Variants in RGL4 observed in about 807,000 individuals in gnomAD.
RGL4 encodes the protein ral guanine nucleotide dissociation stimulator like 4.
Under a neutral mutation model 49.6 loss-of-function variants are expected in RGL4, and 41 were observed. The observed-to-expected ratio is 0.83, with a 90% CI of 0.64 to 1.07. RGL4 has a LOEUF of 1.07. Ranked by LOEUF, RGL4 falls within the 50% of genes least tolerant of loss-of-function variation. The pLI, the probability that RGL4 is intolerant of heterozygous loss-of-function variation, is 0.00. For synonymous variants in RGL4, 255 were observed against 238.0 expected, an observed-to-expected ratio of 1.07 and a Z score of -0.66; for missense variants, 610 against 591.9, an observed-to-expected ratio of 1.03 and a Z score of -0.32.
chr22:23,692,266 CA>C, intron 1 of RGL4, 57 bp downstream of exon 1: 2 of 1,607,532 alleles, frequency 1.2e-6, no homozygotes, highest in Non-Finnish European at 1.7e-6. Context: ...CAGAACCACG[CA>C]GGGGTGCCCT....
Position 23,692,360 on chromosome 22 carries a change from T to C in RGL4, c.205T>C (p.Trp69Arg). The change falls in exon 2 of 11, where the codon TGG (tryptophan) becomes CGG (arginine). Residue 69 changes from tryptophan to arginine, a missense_variant. Transcript: ENST00000290691. The stretch of plus-strand genomic sequence containing the variant: ...CACCATCACCTCCATTTTGTTCAAC[T>C]GGCCCCCCGAAAACACTTCAGTTTA... ...LRTITSILFN[W>R]PPENTSVYYQ... 1 of 1,614,184 alleles carries C rather than the reference T, an allele frequency of 6.2e-7. No homozygotes were observed. Among genetic ancestry groups the C allele is most frequent in the African/African-American group, 1.3e-5 (1 of 75,054 alleles).
Position 23,697,210 on chromosome 22 carries a change from C to T in RGL4, c.1201C>T (p.Gln401Ter), listed in dbSNP as rs764518087. 2 of 1,613,500 alleles carry T rather than the reference C, an allele frequency of 1.2e-6. No homozygotes were observed. Among genetic ancestry groups the T allele is most frequent in the East Asian group, 4.5e-5 (2 of 44,864 alleles). Residue 401 changes from glutamine (Q) to a stop codon, truncating the protein, a stop_gained, in exon 8 of 11, where the codon CAG becomes TAG. Transcript: ENST00000290691. LOFTEE classifies it high-confidence loss of function. Reference protein sequence around the residue: ...PFLGDFLTELQRLDSAIPDDL... With the variant: ...PFLGDFLTEL ...CCTGGGGGATTTTCTGACTGAGTTA[C>T]AGAGGCTGGATTCGGCCATCCCGGA...
chr22:23,695,410 G>T, intron 6 of RGL4: 1 of 530,450 alleles, frequency 1.9e-6, no homozygotes, highest in South Asian at 1.5e-5. Flanking sequence ...TCCTCAAACC[G>T]GCCAGCAATT....
intron 8 of RGL4, 111 bp downstream of exon 8, chr22:23,697,356 G>A (rs557702406): frequency 2.5e-6 from 2 of 810,456 alleles, no homozygotes; most frequent in East Asian, 2.5e-5. Context: ...CCTCTCCTAA[G>A]AGCCTCACAG....
intron 10 of RGL4, chr22:23,698,610 C>A: frequency 1.4e-6 from 1 of 730,178 alleles, no homozygotes; most frequent in Non-Finnish European, 2.4e-6. Context: ...TCAAGCAATC[C>A]ACCCACCTCA....
At chr22:23,695,519 T>G (rs1923434145) in intron 6 of RGL4, 1 of 490,162 alleles carries the variant, frequency 2.0e-6, no homozygotes, top group East Asian at 6.9e-5. Context: ...TGGCCTGCAC[T>G]GGGGGAGAGG....
intron 6 of RGL4, chr22:23,696,197 C>T (rs1316665546): frequency 1.3e-5 from 11 of 838,230 alleles, no homozygotes; most frequent in African/African-American, 5.6e-5. Context: ...AGCCACTGCC[C>T]GCTCTGGGCC....
rs746917335 is a variant in RGL4 at position 23,694,380 on chromosome 22, C to A, written c.946C>A (p.His316Asn). The stretch of plus-strand genomic sequence containing the variant: ...AAGCCTCAACAACTTCTCCTCGGTG[C>A]ACGTCATCGTCTCTGCTCTGTGCAG... Reference protein sequence around the residue: ...CLSLNNFSSVHVIVSALCSNP... With the variant: ...CLSLNNFSSVNVIVSALCSNP... Residue 316 changes from histidine (H) to asparagine (N), a missense_variant, in exon 5 of 11, where the codon CAC becomes AAC. By Grantham distance (68) the His-to-Asn change is moderately conservative. Coordinates refer to ENST00000290691, the MANE Select transcript of RGL4 (RefSeq NM_153615.2). 5 of 1,613,996 alleles carry A rather than the reference C, an allele frequency of 3.1e-6. No individual in the cohort carries two copies. The highest frequency in any genetic ancestry group is 3.3e-5 in the Admixed American group (2 of 60,032).
intron 3 of RGL4, 67 bp from the exon 4 acceptor site, chr22:23,693,692 C>A (rs956542202): frequency 3.2e-6 from 4 of 1,266,672 alleles, no homozygotes; most frequent in Non-Finnish European, 4.6e-6. Context: ...TCAGTCCCTG[C>A]CTGGGACTGT....
intron 6 of RGL4, chr22:23,695,477 G>T: frequency 1.7e-6 from 1 of 590,060 alleles, no homozygotes; most frequent in Non-Finnish European, 2.8e-6. Context: ...TGCTGCTGCT[G>T]TCTGCAGCAC....
chr22:23,692,236 G>A, intron 1 of RGL4, 27 bp downstream of exon 1: 2 of 1,609,446 alleles, frequency 1.2e-6, no homozygotes, highest in Non-Finnish European at 1.7e-6. Flanking sequence ...CTCCACACTG[G>A]CAGCAACAGG....
intron 7 of RGL4, 124 bp from the exon 8 acceptor site, chr22:23,697,047 T>A (rs1473788587): frequency 1.3e-6 from 1 of 765,032 alleles, no homozygotes; most frequent in African/African-American, 1.8e-5. Context: ...CCGGGAGACC[T>A]GAGGAGGGGG....
intron 3 of RGL4, chr22:23,693,322 T>C (rs934895668): frequency 4.5e-6 from 2 of 446,952 alleles, no homozygotes; most frequent in African/African-American, 2.0e-5. Flanking sequence ...CCTCAGCACT[T>C]ATTAGGTACC....
Position 23,693,801 on chromosome 22 carries a change from A to C in RGL4, c.739A>C (p.Ile247Leu). The C allele has an allele frequency of 6.2e-7, 1 of 1,614,102 alleles. No homozygotes were observed. The highest frequency in any genetic ancestry group is 8.5e-7 in the Non-Finnish European group (1 of 1,180,024). Residue 247 changes from isoleucine (I) to leucine (L), a missense_variant, in exon 4 of 11, where the codon ATC (isoleucine) becomes CTC (leucine). By Grantham distance (5) the Ile-to-Leu change is conservative. Transcript: ENST00000290691. ...KVVLHECLGC[I>L]WGQGHLKGNE... ...GGTGCTCCACGAATGCTTGGGCTGC[A>C]TCTGGGGCCAAGGACATCTGAAGGG...
intron 7 of RGL4, 103 bp from the exon 8 acceptor site, chr22:23,697,068 C>T (rs1923554951): frequency 1.1e-6 from 1 of 879,526 alleles, no homozygotes; most frequent in Non-Finnish European, 1.8e-6. Flanking sequence ...CTCTGGGAGA[C>T]AGGGGCTGAT....
At chr22:23,696,778 C>T (rs909878809) in intron 7 of RGL4, 90 bp downstream of exon 7, 18 of 1,139,916 alleles carry the variant, frequency 1.6e-5, no homozygotes, top group Non-Finnish European at 1.6e-5. Flanking sequence ...ATCAAGACAG[C>T]GGGGGCTTCC....
In RGL4 at chr22:23,692,494, G is replaced by T; in HGVS notation, c.339G>T (p.Leu113Phe). 1 of 1,614,144 alleles carries T rather than the reference G, an allele frequency of 6.2e-7. No individual in the cohort carries two copies. The highest frequency in any genetic ancestry group is 8.5e-7 in the Non-Finnish European group (1 of 1,179,996). ...ATCAGGAAATTGTCCTAGGCCAGTTGGTGCTTCCGGAGCCCAACGAGGCCA... is the reference window on the plus strand; with the variant it reads ...ATCAGGAAATTGTCCTAGGCCAGTTTGTGCTTCCGGAGCCCAACGAGGCCA... ...EDHQEIVLGQ[L>F]VLPEPNEAKP... The change falls in exon 2 of 11, where the codon TTG (leucine) becomes TTT (phenylalanine). Residue 113 changes from leucine (L) to phenylalanine (F), a missense_variant. By Grantham distance (22) the Leu-to-Phe change is conservative. Transcript: ENST00000290691.
In RGL4 at chr22:23,696,102, G is replaced by C. The variant is rs532657500; in HGVS notation, c.1087-512G>C. Among the ~76,000 whole-genome samples the C allele has an allele frequency of 4.5e-3, 687 of 152,292 alleles. 9 individuals are homozygous for C. Among genetic ancestry groups the C allele is most frequent in the Non-Finnish European group, 1.6e-3 (109 of 68,032 alleles). On this transcript the variant is annotated intron_variant, in intron 6 of 10. Coordinates refer to ENST00000290691, the MANE Select transcript of RGL4 (RefSeq NM_153615.2). ...TCCAGAGAACACGACCCTGATGGGT[G>C]GTGGTGCTGGGATGTGAGCTGAAGG... is the stretch of plus-strand genomic sequence containing the variant.
intron 9 of RGL4, 26 bp downstream of exon 9, chr22:23,697,887 G>T: frequency 6.2e-7 from 1 of 1,600,268 alleles, no homozygotes; most frequent in Non-Finnish European, 8.5e-7. Flanking sequence ...ACTCACGTTG[G>T]ATGAGGGTGG....
Sources: gnomAD v4.1 joint callset for allele counts (sites outside exome capture counted in the v4.1 genomes callset) on GRCh38, gnomAD v4.1.1 for gene constraint, MANE v1.5 for transcripts, NCBI Gene and HGNC (gene_info 2026-07-23, HGNC 2026-07-21) for gene names.